ARL10: variants seen among roughly 807,000 people sequenced by gnomAD.
The protein encoded by ARL10 is ADP-ribosylation factor-like protein 10.
In ARL10, 23 loss-of-function variants were observed where a neutral mutation model predicts 26.1. The observed-to-expected ratio is 0.88, with a 90% CI of 0.63 to 1.25. ARL10 has a LOEUF of 1.25. ARL10 is among the 50% of genes most tolerant of loss of function. ARL10 has a pLI of 0.00. For synonymous variants in ARL10, 138 were observed against 149.1 expected (o/e 0.93, Z 0.54); for missense variants, 300 against 323.6 (o/e 0.93, Z 0.56).
rs575511826 is a variant in ARL10, at chr5:176,379,145, C to G, written c.*7250C>G. On this transcript the variant is annotated 3_prime_UTR_variant, in exon 4 of 4. Transcript: ENST00000310389. ...ATGTGATGGGCCTGTGCTTTCCCAA[C>G]TATGTTCTTTTTTATGTATGTATGT... The G allele has an allele frequency of 3.3e-5, 5 of 152,182 alleles. No homozygotes were observed. The highest frequency in any genetic ancestry group is 1.2e-4 in the African/African-American group (5 of 41,524). The allele number at this position is 152,182 out of a possible 1,614,324, so 9.4% of individuals were successfully genotyped here. A position where few individuals can be genotyped will look rare whatever the true frequency, so the allele number is the denominator to read the frequency against.
downstream of ARL10, chr5:176,385,236 G>A (rs200633746): frequency 1.6e-5 from 25 of 1,604,986 alleles, no homozygotes; most frequent in African/African-American, 5.4e-5. Flanking sequence ...AGTCCTCCCC[G>A]TGGTTCTCTA....
chr5:176,406,874 G>A, the ARL10 span, among the ~76,000 whole-genome samples: 1 of 152,192 alleles, frequency 6.6e-6, no homozygotes, highest in Non-Finnish European at 1.5e-5. Flanking sequence ...AGGCGCTGTG[G>A]CCAGCCAGTT....
downstream of ARL10, chr5:176,383,903 A>G (rs1755619565): frequency 2.1e-6 from 3 of 1,409,790 alleles, no homozygotes; most frequent in East Asian, 7.5e-5. Context: ...GGGCAGCCCC[A>G]GGGTTTGGCT....
rs113448546 is a variant in ARL10 at position 176,396,090 on chromosome 5, G to A, written c.134-5651G>A. 2.5e-3 allele frequency among the ~76,000 whole-genome samples: 378 copies of A among 152,198 alleles called. 1 individual carries two copies. Among genetic ancestry groups the A allele is most frequent in the African/African-American group, 8.6e-3 (358 of 41,538 alleles). ...GTGGAGGTCGCAGTGAGCCGAGATC[G>A]CAGCACTGCACTCCATCCTGAGCAG... On this transcript the variant is annotated intron_variant, in intron 1 of 1. Transcript: ENST00000514533.
chr5:176,394,625 T>A (rs13169024), intron 1 of ARL10, among the ~76,000 whole-genome samples: 30 of 150,820 alleles, frequency 2.0e-4, no homozygotes, highest in Admixed American at 1.7e-3. Context: ...GCATCCTGGC[T>A]AACACGGTGA....
At chr5:176,409,533 C>A in the ARL10 span, among the ~76,000 whole-genome samples, 11 of 151,556 alleles carry the variant, frequency 7.3e-5, no homozygotes, top group South Asian at 2.3e-3. Flanking sequence ...CCTGCCTTAG[C>A]CTCCCGAGTA....
downstream of ARL10, among the ~76,000 whole-genome samples, chr5:176,403,093 A>C (rs1300689629): frequency 1.4e-5 from 2 of 138,408 alleles, no homozygotes; most frequent in Non-Finnish European, 1.5e-5. Context: ...TCTGTCGCCC[A>C]GGCTGGAGTG....
At chr5:176,411,491 C>T in the ARL10 span, among the ~76,000 whole-genome samples, 40 of 152,326 alleles carry the variant, frequency 2.6e-4, no homozygotes, top group East Asian at 5.6e-3. Flanking sequence ...TAATTAAAGG[C>T]CTCCCTGACC....
intron 1 of ARL10, among the ~76,000 whole-genome samples, chr5:176,394,514 A>C (rs1363335078): frequency 6.6e-6 from 1 of 151,864 alleles, no homozygotes. Context: ...TCTACTAAAA[A>C]TACAAAAAAT....
At chr5:176,369,233 T>C in intron 3 of ARL10, 4 of 1,472,742 alleles carry the variant, frequency 2.7e-6, no homozygotes, top group South Asian at 2.5e-5. Context: ...CATGGTGTTT[T>C]GTTTTTGTTT....
At chr5:176,411,271 T>G in the ARL10 span, among the ~76,000 whole-genome samples, 1 of 149,638 alleles carries the variant, frequency 6.7e-6, no homozygotes, top group Non-Finnish European at 1.5e-5. Context: ...TTCAAACCAA[T>G]TGCCAGGGCT....
chr5:176,411,865 C>A, the ARL10 span, among the ~76,000 whole-genome samples: 1 of 152,154 alleles, frequency 6.6e-6, no homozygotes, highest in African/African-American at 2.4e-5. Flanking sequence ...TGCTTTCTTC[C>A]TGCTTCCCTC....
rs1768398094 is a variant in ARL10 at position 176,368,363 on chromosome 5, GAAAGCTAGGAATTAGCAAGAGGC to G, written c.386-438_386-416del. Among the ~76,000 whole-genome samples the G allele has an allele frequency of 6.6e-6, 1 of 152,148 alleles. No homozygotes were observed. Among genetic ancestry groups the G allele is most frequent in the Non-Finnish European group, 1.5e-5 (1 of 68,026 alleles). On this transcript the variant is annotated intron_variant, in intron 2 of 3. Coordinates refer to ENST00000310389, the MANE Select transcript of ARL10 (RefSeq NM_173664.6). The surrounding 1 kb of genome is among the most constrained non-coding windows in gnomAD (Gnocchi z 4.1). Reference sequence around the variant, plus strand: ...CACTGACAGTTTTGAACCTGTAGGAGAAAGCTAGGAATTAGCAAGAGGCAAAGCCAGACAACCCAGGGGAGAGA... The same window carrying G: ...CACTGACAGTTTTGAACCTGTAGGAGAAAGCCAGACAACCCAGGGGAGAGA...
intron 3 of ARL10, 192 bp downstream of exon 3, chr5:176,369,174 C>T (rs1162964274): frequency 1.3e-6 from 2 of 1,532,920 alleles, no homozygotes; most frequent in Admixed American, 2.0e-5. Context: ...TCATCTCGTA[C>T]TCTGGAGAGA....
chr5:176,372,686 C>T lies in ARL10; in HGVS notation c.*791C>T, dbSNP rs543230477. ...TAATCTGGAGACAAGCTGCTGCTCT[C>T]GTACTAACTGTGCCAGTGCCCATGT... On this transcript the variant is annotated 3_prime_UTR_variant, in exon 4 of 4. Transcript: ENST00000310389. 5 of 386,804 alleles carry T rather than the reference C, an allele frequency of 1.3e-5. No homozygotes were observed. Among genetic ancestry groups the T allele is most frequent in the Non-Finnish European group, 1.8e-5 (4 of 219,192 alleles). 24.0% of individuals were successfully genotyped at this position (386,804 alleles called of 1,614,324 possible).
Position 176,381,396 on chromosome 5 carries a change from G to A in ARL10, c.*9501G>A, listed in dbSNP as rs1755548190. ...TGGAGGTTGCTGAAGTTATACTTTG[G>A]ATCCTACTTCTGACACCAGTTTGTT... On this transcript the variant is annotated 3_prime_UTR_variant, in exon 4 of 4. Coordinates refer to ENST00000310389, the MANE Select transcript of ARL10 (RefSeq NM_173664.6). The A allele has an allele frequency of 6.6e-6, 1 of 152,140 alleles. No homozygotes were observed. The highest frequency in any genetic ancestry group is 1.5e-5 in the Non-Finnish European group (1 of 68,040). The allele number at this position is 152,140 out of a possible 1,614,324, so 9.4% of individuals were successfully genotyped here. A position where few individuals can be genotyped will look rare whatever the true frequency, so the allele number is the denominator to read the frequency against.
At chr5:176,394,037 T>A (rs755347484) in intron 1 of ARL10, among the ~76,000 whole-genome samples, 1 of 152,222 alleles carries the variant, frequency 6.6e-6, no homozygotes, top group Non-Finnish European at 1.5e-5. Flanking sequence ...CTAGGGATGC[T>A]GGCTGTATGC....
the ARL10 span, among the ~76,000 whole-genome samples, chr5:176,407,234 T>A: frequency 6.6e-6 from 1 of 152,162 alleles, no homozygotes; most frequent in Non-Finnish European, 1.5e-5. Context: ...TGACTTTGCA[T>A]TCACCACTTC....
the ARL10 span, among the ~76,000 whole-genome samples, chr5:176,413,370 A>G: frequency 6.6e-6 from 1 of 152,372 alleles, no homozygotes; most frequent in East Asian, 1.9e-4. Context: ...AGTCAGAGCC[A>G]GGCCTGGTGC....
Sources: allele counts gnomAD v4.1 joint callset (sites outside exome capture counted in the v4.1 genomes callset), GRCh38; gene constraint gnomAD v4.1.1; non-coding constraint Gnocchi (gnomAD v3.1); transcripts MANE v1.5; gene names NCBI Gene and HGNC (gene_info 2026-07-23, HGNC 2026-07-21).